GBE1: variants seen among roughly 807,000 people sequenced by gnomAD.
GBE1 encodes the protein 1,4-alpha-glucan branching enzyme 1, also known as 1,4-alpha-glucan-branching enzyme.
GBE1 carries 70 observed loss-of-function variants against 88.8 expected under a neutral mutation model. That is an observed-to-expected ratio of 0.79 (90% confidence interval 0.65 to 0.96). The LOEUF is 0.96. GBE1 is among the 40% of genes least tolerant of loss of function. The pLI, the probability that GBE1 is intolerant of heterozygous loss-of-function variation, is 0.00. For missense variants in GBE1, 872 were observed against 871.0 expected (o/e 1.00, Z -0.01); for synonymous variants, 284 against 300.1 (o/e 0.95, Z 0.56).
At chr3:81,615,291 T>C (rs1156249174) in intron 7 of GBE1, among the ~76,000 whole-genome samples, 3 of 152,194 alleles carry the variant, frequency 2.0e-5, no homozygotes, top group African/African-American at 7.2e-5. Context: ...GTGTTCACTT[T>C]ACCCATTTTC....
chr3:81,497,321 A>T (rs1254015062), intron 15 of GBE1, among the ~76,000 whole-genome samples: 1 of 152,186 alleles, frequency 6.6e-6, no homozygotes, highest in East Asian at 1.9e-4. Context: ...CACTTAGTAT[A>T]TTGACATGTT....
intron 6 of GBE1, among the ~76,000 whole-genome samples, chr3:81,643,896 C>A (rs1345315120): frequency 6.6e-6 from 1 of 152,124 alleles, no homozygotes. Context: ...GGGTGAAGAC[C>A]ATTGTCCTGA....
intron 7 of GBE1, among the ~76,000 whole-genome samples, chr3:81,629,691 T>C (rs1295860024): frequency 6.6e-6 from 1 of 152,022 alleles, no homozygotes; most frequent in African/African-American, 2.4e-5. Context: ...CAAAACTGGA[T>C]GTTTAATTGT....
rs577196681 is a variant in GBE1 at position 81,510,415 on chromosome 3, TCTCA to T, written c.1935-11192_1935-11189del. ...ACTAGATAGAAAATCACAGTACAGG[TCTCA>T]CTCAGTGCTTTAGAAAGCCGAAGAA... On this transcript the variant is annotated intron_variant, in intron 14 of 15. Transcript: ENST00000429644. Among the ~76,000 whole-genome samples, 11 of 152,198 alleles carry T rather than the reference TCTCA, an allele frequency of 7.2e-5. No homozygotes were observed. In the South Asian group the frequency reaches 2.1e-3, roughly 29 times the overall value.
intron 12 of GBE1, among the ~76,000 whole-genome samples, chr3:81,554,000 G>A (rs1035574633): frequency 6.6e-6 from 1 of 151,978 alleles, no homozygotes; most frequent in Non-Finnish European, 1.5e-5. Flanking sequence ...AGACTAAATC[G>A]AGAATGAGTG....
At chr3:81,731,625 G>A (rs1706187328) in intron 1 of GBE1, among the ~76,000 whole-genome samples, 1 of 152,074 alleles carries the variant, frequency 6.6e-6, no homozygotes, top group Admixed American at 6.6e-5. Context: ...AAGGCGACTG[G>A]ATCACAGGGG....
chr3:81,500,403 T>C (rs2106811674), intron 14 of GBE1, among the ~76,000 whole-genome samples: 1 of 152,136 alleles, frequency 6.6e-6, no homozygotes, highest in African/African-American at 2.4e-5. Flanking sequence ...ACATGGCAAA[T>C]AATGAAATAT....
intron 1 of GBE1, among the ~76,000 whole-genome samples, chr3:81,718,576 C>G (rs1488680147): frequency 6.6e-6 from 1 of 152,158 alleles, no homozygotes; most frequent in African/African-American, 2.4e-5. Flanking sequence ...GATTTTACCT[C>G]CAAAGCATTG....
At chr3:81,491,077 C>T (rs1366676496) in intron 15 of GBE1, among the ~76,000 whole-genome samples, 1 of 152,144 alleles carries the variant, frequency 6.6e-6, no homozygotes, top group Non-Finnish European at 1.5e-5. Flanking sequence ...TACACTCCAG[C>T]CGCAGGAGCC....
intron 2 of GBE1, among the ~76,000 whole-genome samples, chr3:81,701,891 A>C (rs1157440603): frequency 6.6e-6 from 1 of 151,752 alleles, no homozygotes; most frequent in African/African-American, 2.4e-5. Flanking sequence ...GGTGTTAGCC[A>C]CTGAACCCAG....
chr3:81,563,842 G>A (rs1187158392), intron 12 of GBE1, among the ~76,000 whole-genome samples: 1 of 141,984 alleles, frequency 7.0e-6, no homozygotes, highest in Non-Finnish European at 1.5e-5. Flanking sequence ...AGATATATAA[G>A]TAACCTTCTA....
intron 11 of GBE1, among the ~76,000 whole-genome samples, chr3:81,580,402 G>A (rs987275299): frequency 3.9e-5 from 6 of 152,098 alleles, no homozygotes; most frequent in African/African-American, 1.4e-4. Flanking sequence ...CCCAAGGAAG[G>A]CTTTATATAG....
At chr3:81,602,143 C>A (rs1704040865) in intron 7 of GBE1, among the ~76,000 whole-genome samples, 1 of 152,018 alleles carries the variant, frequency 6.6e-6, no homozygotes, top group Non-Finnish European at 1.5e-5. Flanking sequence ...AAGTTGAAAC[C>A]CACAGGATAA....
rs759723377 is a variant in GBE1, at chr3:81,578,010, T to C, written c.1533A>G (p.Pro511=). The change falls in exon 12 of 16, where the codon CCA becomes CCG. Residue 511 remains proline, a synonymous_variant. Coordinates refer to ENST00000429644, the MANE Select transcript of GBE1 (RefSeq NM_000158.4). ...GAAGCTGTATTCCACGATCAATAAC[T>C]GGAGTAAAAGGAGTCAGGACACTCA... ...TNMSVLTPFT[P]VIDRGIQLHK... is the part of the protein sequence containing the mutation. 6.2e-7 allele frequency: 1 copy of C among 1,609,980 alleles called. No homozygotes were observed. Among genetic ancestry groups the C allele is most frequent in the Non-Finnish European group, 8.5e-7 (1 of 1,178,372 alleles).
intron 1 of GBE1, among the ~76,000 whole-genome samples, chr3:81,732,707 G>A (rs367845072): frequency 7.9e-5 from 12 of 152,164 alleles, no homozygotes; most frequent in Admixed American, 5.2e-4. Flanking sequence ...ATAACTAGTC[G>A]TCCTGTTTAC....
rs764501992 is a variant in GBE1, at chr3:81,726,055, T to A, written c.144-20442A>T. Among the ~76,000 whole-genome samples, 3 of 152,194 alleles carry A rather than the reference T, an allele frequency of 2.0e-5. No homozygotes were observed. In the East Asian group the frequency reaches 5.8e-4, roughly 29 times the overall value. ...TTAAACTGATAATCAATAGGCCTTT[T>A]TTTTTTTAGCTTTTTAGAGGAATAT... On this transcript the variant is annotated intron_variant, in intron 1 of 15. Transcript: ENST00000429644.
intron 12 of GBE1, among the ~76,000 whole-genome samples, chr3:81,552,412 G>A (rs1372829696): frequency 1.3e-5 from 2 of 151,726 alleles, no homozygotes; most frequent in Non-Finnish European, 2.9e-5. Flanking sequence ...AGCTACTCAG[G>A]AGGCTGAGGC....
chr3:81,575,633 A>G (rs1703638251), intron 12 of GBE1, among the ~76,000 whole-genome samples: 1 of 152,190 alleles, frequency 6.6e-6, no homozygotes, highest in African/African-American at 2.4e-5. Context: ...AAAATTAACA[A>G]GTTTAGAAAT....
In GBE1 at chr3:81,750,631, G is replaced by GTA. The variant is rs1421769991; in HGVS notation, c.143+10742_143+10743dup. 1.3e-3 allele frequency among the ~76,000 whole-genome samples: 33 copies of GTA among 26,270 alleles called. 3 individuals carry two copies. Among genetic ancestry groups the GTA allele is most frequent in the African/African-American group, 4.2e-3 (18 of 4,308 alleles). 17.2% of individuals were successfully genotyped at this position (26,270 alleles called of 152,430 possible). A position where few individuals can be genotyped will look rare whatever the true frequency, so the allele number is the denominator to read the frequency against. ...TATATATATATGTATATATATATAC[G>GTA]TATATATATATATGTATATATATAT... is the stretch of plus-strand genomic sequence containing the variant. On this transcript the variant is annotated intron_variant, in intron 1 of 15. Transcript: ENST00000429644.
Sources: gnomAD v4.1 joint callset for allele counts (sites outside exome capture counted in the v4.1 genomes callset) on GRCh38, gnomAD v4.1.1 for gene constraint, MANE v1.5 for transcripts, NCBI Gene and HGNC (gene_info 2026-07-23, HGNC 2026-07-21) for gene names.